Variants in PDE8B observed in about 807,000 individuals in gnomAD.
PDE8B encodes the protein phosphodiesterase 8B.
A neutral mutation model predicts 101.3 loss-of-function variants in PDE8B; 26 were observed. That is an observed-to-expected ratio of 0.26 (90% confidence interval 0.19 to 0.36). PDE8B has a LOEUF of 0.36. Among genes scored for constraint, PDE8B ranks in the 10% least tolerant of loss-of-function variants. The pLI is 1.00. For missense variants in PDE8B, 810 were observed against 1,163.1 expected, an observed-to-expected ratio of 0.70 and a Z score of 4.42; for synonymous variants, 424 against 429.3, an observed-to-expected ratio of 0.99 and a Z score of 0.15.
In PDE8B at chr5:77,425,153, G is replaced by A. The variant is rs926774677; in HGVS notation, c.2419-614G>A. ...GTCAGTAGTTTTGGTATGAGAATTT[G>A]TGTTTGTATGACATTGAACAGAGCT... On this transcript the variant is annotated intron_variant, in intron 20 of 21. Coordinates refer to ENST00000264917, the MANE Select transcript of PDE8B (RefSeq NM_003719.5). Among the ~76,000 whole-genome samples the A allele has an allele frequency of 1.4e-4, 22 of 152,186 alleles. 1 individual carries two copies. The South Asian group carries it at 2.3e-3, about 16-fold the overall frequency.
chr5:77,177,264 C>T, the PDE8B span, among the ~76,000 whole-genome samples: 1 of 151,666 alleles, frequency 6.6e-6, no homozygotes, highest in African/African-American at 2.4e-5. Flanking sequence ...AGTATCCCCC[C>T]CTTATCCGCA....
chr5:77,197,447 G>A, the PDE8B span, among the ~76,000 whole-genome samples: 1 of 151,426 alleles, frequency 6.6e-6, no homozygotes, highest in Non-Finnish European at 1.5e-5. Context: ...TTTGTCTATT[G>A]TTTACCTATT....
At chr5:77,373,549 A>G (rs1561603877) in intron 10 of PDE8B, among the ~76,000 whole-genome samples, 1 of 152,184 alleles carries the variant, frequency 6.6e-6, no homozygotes, top group African/African-American at 2.4e-5. Context: ...TTACTATAGA[A>G]TAATTTCCAT....
intron 5 of PDE8B, among the ~76,000 whole-genome samples, chr5:77,333,688 C>T (rs1460106550): frequency 6.6e-6 from 1 of 152,236 alleles, no homozygotes; most frequent in Non-Finnish European, 1.5e-5. Flanking sequence ...GCTGAGATTG[C>T]ACATCTGCTC....
chr5:77,171,705 G>T, the PDE8B span, among the ~76,000 whole-genome samples: 101,280 of 152,056 alleles, frequency 0.67, 35,342 homozygotes, highest in East Asian at 0.93. Flanking sequence ...TCTGTGGGCT[G>T]GTGAGAGCCA....
the PDE8B span, among the ~76,000 whole-genome samples, chr5:77,155,759 A>C: frequency 6.6e-6 from 1 of 152,202 alleles, no homozygotes; most frequent in Non-Finnish European, 1.5e-5. Context: ...AATCAGAACG[A>C]AGAGTTGAAC....
chr5:77,182,620 C>A, the PDE8B span, among the ~76,000 whole-genome samples: 6 of 152,160 alleles, frequency 3.9e-5, no homozygotes, highest in Non-Finnish European at 8.8e-5. Flanking sequence ...AATTGACTTA[C>A]CTGGGAATGA....
chr5:77,413,868 AT>A (rs1377130113), intron 17 of PDE8B, among the ~76,000 whole-genome samples: 2 of 152,068 alleles, frequency 1.3e-5, no homozygotes, highest in Admixed American at 1.3e-4. Context: ...ACCACTGCTG[AT>A]TTGTAGGGCA....
chr5:77,118,470 G>T, the PDE8B span: 3 of 398,312 alleles, frequency 7.5e-6, no homozygotes, highest in Non-Finnish European at 1.3e-5. Context: ...AGGAGGGAAA[G>T]ATGGTGCCCA....
intron 10 of PDE8B, among the ~76,000 whole-genome samples, chr5:77,381,394 A>G (rs1457994194): frequency 6.6e-6 from 1 of 152,164 alleles, no homozygotes; most frequent in Non-Finnish European, 1.5e-5. Flanking sequence ...TGGCTTGCAT[A>G]CTGATATATC....
the PDE8B span, among the ~76,000 whole-genome samples, chr5:77,097,724 T>TATATATATATAG: frequency 1.6e-4 from 8 of 48,746 alleles, no homozygotes; most frequent in African/African-American, 3.4e-4. Context: ...TATATATATA[T>TATATATATATAG]ATATATATAC....
chr5:77,379,130 G>A (rs11740409), intron 10 of PDE8B, among the ~76,000 whole-genome samples: 2,565 of 152,316 alleles, frequency 0.017, 65 homozygotes, highest in African/African-American at 0.058. Flanking sequence ...GTAGAATGTA[G>A]AGCCAGTGGG....
At chr5:77,382,332 A>G (rs912835372) in intron 10 of PDE8B, among the ~76,000 whole-genome samples, 5 of 152,212 alleles carry the variant, frequency 3.3e-5, no homozygotes, top group Admixed American at 6.5e-5. Context: ...CAGCATGCAC[A>G]TTATTAACTA....
At chr5:77,273,904 C>T (rs1287900160) in intron 1 of PDE8B, among the ~76,000 whole-genome samples, 1 of 151,592 alleles carries the variant, frequency 6.6e-6, no homozygotes. Flanking sequence ...CTCACTGCAA[C>T]CTCCGCCTCT....
intron 1 of PDE8B, among the ~76,000 whole-genome samples, chr5:77,236,178 A>G (rs962292471): frequency 1.3e-5 from 2 of 152,240 alleles, no homozygotes; most frequent in African/African-American, 4.8e-5. Context: ...CGAGTCAGGA[A>G]TATGCTTGGC....
intron 1 of PDE8B, among the ~76,000 whole-genome samples, chr5:77,250,556 A>G (rs762457963): frequency 2.6e-5 from 4 of 152,210 alleles, no homozygotes; most frequent in Non-Finnish European, 4.4e-5. Context: ...TTCCTCATTA[A>G]CTTATTTCTC....
At chr5:77,263,587 A>C (rs1482751339) in intron 1 of PDE8B, among the ~76,000 whole-genome samples, 1 of 152,142 alleles carries the variant, frequency 6.6e-6, no homozygotes, top group Non-Finnish European at 1.5e-5. Context: ...GGATTTGAAA[A>C]CATGGTAATT....
the PDE8B span, among the ~76,000 whole-genome samples, chr5:77,117,657 T>C: frequency 8.6e-5 from 13 of 151,986 alleles, no homozygotes; most frequent in Non-Finnish European, 1.8e-4. Flanking sequence ...GCGAGGCTGG[T>C]GATGATCTGG....
At chr5:77,268,292 G>A (rs1260967479) in intron 1 of PDE8B, among the ~76,000 whole-genome samples, 4 of 152,060 alleles carry the variant, frequency 2.6e-5, no homozygotes, top group South Asian at 2.1e-4. Context: ...TGATACAGGC[G>A]TACAATGCAT....
Sources: allele counts gnomAD v4.1 joint callset (sites outside exome capture counted in the v4.1 genomes callset), GRCh38; gene constraint gnomAD v4.1.1; transcripts MANE v1.5; gene names NCBI Gene and HGNC (gene_info 2026-07-23, HGNC 2026-07-21).